AHCYL1: variants seen among roughly 807,000 people sequenced by gnomAD.
The protein encoded by AHCYL1 is adenosylhomocysteinase like 1, also known as S-adenosylhomocysteine hydrolase-like protein 1.
Under a neutral mutation model 79.3 loss-of-function variants are expected in AHCYL1, and 20 were observed. That is an observed-to-expected ratio of 0.25 (90% CI 0.18 to 0.37). AHCYL1 has a LOEUF of 0.37. Ranked by LOEUF, AHCYL1 falls within the 10% of genes least tolerant of loss-of-function variation. AHCYL1 has a pLI of 1.00. For missense variants in AHCYL1, 330 were observed against 673.6 expected (o/e 0.49, Z 5.65); for synonymous variants, 223 against 242.2 (o/e 0.92, Z 0.74).
chr1:109,996,662 TTAAA>T (rs1650049063), intron 1 of AHCYL1, among the ~76,000 whole-genome samples: 1 of 151,694 alleles, frequency 6.6e-6, no homozygotes, highest in African/African-American at 2.4e-5. Flanking sequence ...CAGAGAGACT[TTAAA>T]TGACTGGCAA....
chr1:109,987,965 G>C (rs77102558), intron 1 of AHCYL1, among the ~76,000 whole-genome samples: 1 of 152,006 alleles, frequency 6.6e-6, no homozygotes, highest in Non-Finnish European at 1.5e-5. Flanking sequence ...AAGTCTATTC[G>C]TATATTTATA....
At position 109,985,073 on chromosome 1, in the gene AHCYL1, G is replaced by T. The variant is rs1649391311; in HGVS notation, c.21G>T (p.Met7Ile). Residue 7 changes from methionine (M) to isoleucine (I), a missense_variant, in exon 1 of 17, where the codon ATG becomes ATT. Around this residue, in one of 6 missense-constraint regions of AHCYL1, gnomAD observed 66 missense variants for 68.0 expected, o/e 0.97. Transcript: ENST00000369799. MSMPDA[M>I]PLPGVGEELK... is the part of the protein sequence containing the mutation. ...GGGGAATGTCGATGCCTGACGCGAT[G>T]CCGCTGCCCGGGGTCGGGGAGGAGC... is the stretch of plus-strand genomic sequence containing the variant. 6.2e-7 allele frequency: 1 copy of T among 1,604,294 alleles called. No individual in the cohort carries two copies.
intron 1 of AHCYL1, among the ~76,000 whole-genome samples, chr1:109,994,639 G>A (rs567676640): frequency 1.1e-3 from 167 of 152,314 alleles, no homozygotes; most frequent in African/African-American, 3.8e-3. Flanking sequence ...GATAGCAGAT[G>A]TATCCAGTTG....
At chr1:110,018,768 G>A (rs1651593800) in intron 13 of AHCYL1, 118 bp downstream of exon 13, 1 of 1,053,932 alleles carries the variant, frequency 9.5e-7, no homozygotes, top group Non-Finnish European at 1.4e-6. Context: ...TCTTTGGAGA[G>A]AGAGATATTT....
At chr1:110,011,600 C>G (rs963050087) in intron 3 of AHCYL1, among the ~76,000 whole-genome samples, 2 of 152,030 alleles carry the variant, frequency 1.3e-5, no homozygotes, top group Admixed American at 1.3e-4. Flanking sequence ...CCTCCTTGCC[C>G]CACCCCACCA....
chr1:109,994,343 A>G (rs1336137927), intron 1 of AHCYL1, among the ~76,000 whole-genome samples: 2 of 152,164 alleles, frequency 1.3e-5, no homozygotes, highest in Non-Finnish European at 2.9e-5. Context: ...GCTCACTGCA[A>G]TCTCCACCTC....
At chr1:109,986,523 G>A (rs1487318085) in intron 1 of AHCYL1, among the ~76,000 whole-genome samples, 1 of 152,134 alleles carries the variant, frequency 6.6e-6, no homozygotes, top group Non-Finnish European at 1.5e-5. Flanking sequence ...CTGCTTTGTT[G>A]GGACAATGAC....
intron 1 of AHCYL1, among the ~76,000 whole-genome samples, chr1:109,988,632 T>C (rs12075114): frequency 6.6e-6 from 1 of 152,180 alleles, no homozygotes; most frequent in Non-Finnish European, 1.5e-5. Context: ...CGGAAGGCCT[T>C]TCAGAACATT....
intron 11 of AHCYL1, 115 bp from the exon 12 acceptor site, chr1:110,018,258 G>A: frequency 9.9e-7 from 1 of 1,010,506 alleles, no homozygotes; most frequent in Non-Finnish European, 1.5e-6. Flanking sequence ...CTCTCAGAAT[G>A]TCTACATGTT....
At chr1:109,987,022 T>A (rs1390771389) in intron 1 of AHCYL1, among the ~76,000 whole-genome samples, 1 of 152,252 alleles carries the variant, frequency 6.6e-6, no homozygotes, top group African/African-American at 2.4e-5. Context: ...CTGCCAGGAA[T>A]GTGGGAAGAC....
chr1:110,021,576 G>T, intron 16 of AHCYL1, 98 bp from the exon 17 acceptor site: 1 of 1,213,030 alleles, frequency 8.2e-7, no homozygotes, highest in South Asian at 1.3e-5. Context: ...CACCCAGGCT[G>T]GGGAGGGGCC....
Position 109,985,047 on chromosome 1 carries a change from C to G in AHCYL1, c.-6C>G. 3 of 1,571,634 alleles carry G rather than the reference C, an allele frequency of 1.9e-6. No individual in the cohort carries two copies. The highest frequency in any genetic ancestry group is 1.7e-6 in the Non-Finnish European group (2 of 1,161,286). ...CGGGTCAGCCGCTGGCCGGGCCGGCCGGGGAATGTCGATGCCTGACGCGAT... is the reference window on the plus strand; with the variant it reads ...CGGGTCAGCCGCTGGCCGGGCCGGCGGGGGAATGTCGATGCCTGACGCGAT... On this transcript the variant is annotated 5_prime_UTR_variant, in exon 1 of 17. Transcript: ENST00000369799.
chr1:109,988,263 A>G (rs1269294320), intron 1 of AHCYL1, among the ~76,000 whole-genome samples: 1 of 152,224 alleles, frequency 6.6e-6, no homozygotes, highest in Non-Finnish European at 1.5e-5. Context: ...GAATGTCTTA[A>G]TAGCTGTAGT....
rs973166892 is a variant in AHCYL1, at chr1:110,011,274, A to G, written c.293A>G (p.Asn98Ser). 1.2e-6 allele frequency: 2 copies of G among 1,614,044 alleles called. No homozygotes were observed. The highest frequency in any genetic ancestry group is 8.5e-7 in the Non-Finnish European group (1 of 1,180,004). The part of the protein sequence containing the change: ...EVSPREKQQT[N>S]SKGSSNFCVK... ...TCTCCCCGAGAGAAGCAGCAAACCA[A>G]CTCCAAGGGCAGCAGCAATTTCTGT... The change falls in exon 3 of 17, where the codon AAC becomes AGC. Residue 98 changes from asparagine to serine, a missense_variant. Physicochemically the swap from Asn to Ser is conservative, Grantham distance 46 (BLOSUM62 1). Transcript: ENST00000369799.
At chr1:109,996,470 C>G (rs922642469) in intron 1 of AHCYL1, among the ~76,000 whole-genome samples, 7 of 152,198 alleles carry the variant, frequency 4.6e-5, no homozygotes, top group African/African-American at 1.7e-4. Context: ...AGCTGACATT[C>G]TTGTGAGGTT....
chr1:110,002,893 C>G (rs1285982773), intron 1 of AHCYL1, among the ~76,000 whole-genome samples: 1 of 152,128 alleles, frequency 6.6e-6, no homozygotes, highest in Non-Finnish European at 1.5e-5. Flanking sequence ...AACTGAACTT[C>G]CAGTTTATAG....
chr1:110,003,841 T>C, intron 1 of AHCYL1: 1 of 855,862 alleles, frequency 1.2e-6, no homozygotes, highest in Non-Finnish European at 1.4e-6. Flanking sequence ...TTACTGCCTT[T>C]TTTCTAACTT....
intron 1 of AHCYL1, chr1:109,995,631 G>A: frequency 1.0e-6 from 1 of 984,704 alleles, no homozygotes; most frequent in Non-Finnish European, 1.2e-6. Flanking sequence ...CAGTGTACTT[G>A]TGTTTCCTTT....
Position 110,021,941 on chromosome 1 carries a change from CT to C in AHCYL1, c.*264del. On this transcript the variant is annotated 3_prime_UTR_variant, in exon 17 of 17. Coordinates refer to ENST00000369799, the MANE Select transcript of AHCYL1 (RefSeq NM_006621.7). ...ACTCTCCCAGCCCAGAAAGGTGATT[CT>C]TTCTTTACCATTTCTGGGGACTTTA... 1 of 430,996 alleles carries C rather than the reference CT, an allele frequency of 2.3e-6. No individual in the cohort carries two copies. Among genetic ancestry groups the C allele is most frequent in the East Asian group, 3.9e-5 (1 of 25,844 alleles). The allele number at this position is 430,996 out of a possible 1,614,324, so 26.7% of individuals were successfully genotyped here. A position where few individuals can be genotyped will look rare whatever the true frequency, so the allele number is the denominator to read the frequency against.
Sources: allele counts gnomAD v4.1 joint callset (sites outside exome capture counted in the v4.1 genomes callset), GRCh38; gene constraint gnomAD v4.1.1; regional missense constraint gnomAD v4.1.1; transcripts MANE v1.5; gene names NCBI Gene and HGNC (gene_info 2026-07-23, HGNC 2026-07-21).